Variants in GGACT observed in about 807,000 individuals in gnomAD.
GGACT encodes gamma-glutamylamine cyclotransferase, also known as gamma-glutamylaminecyclotransferase.
For synonymous variants in GGACT, 118 were observed against 115.3 expected (o/e 1.02, Z -0.15); for missense variants, 241 against 233.2 (o/e 1.03, Z -0.22).
chr13:100,569,507 G>A (rs760222428), intron 2 of GGACT, among the ~76,000 whole-genome samples: 21 of 152,210 alleles, frequency 1.4e-4, no homozygotes, highest in African/African-American at 2.9e-4. Context: ...ACCATGTCCC[G>A]AGGCTGCATA....
In GGACT at chr13:100,550,299, T is replaced by TACAC. The variant is rs755235689; in HGVS notation, c.-10-17702_-10-17699dup. Among the ~76,000 whole-genome samples, 130 of 27,248 alleles carry TACAC rather than the reference T, an allele frequency of 4.8e-3. 6 individuals are homozygous for TACAC. Among genetic ancestry groups the TACAC allele is most frequent in the Non-Finnish European group, 6.6e-3 (99 of 15,084 alleles). 17.9% of individuals were successfully genotyped at this position (27,248 alleles called of 152,430 possible). A position where few individuals can be genotyped will look rare whatever the true frequency, so the allele number is the denominator to read the frequency against. The stretch of plus-strand genomic sequence containing the variant: ...AATTAAATCCGAGCCGATTATACTC[T>TACAC]ACACACACACACACACACACACACA... On this transcript the variant is annotated intron_variant, in intron 2 of 2. Coordinates refer to ENST00000683975, the MANE Select transcript of GGACT (RefSeq NM_001195087.2).
intron 2 of GGACT, among the ~76,000 whole-genome samples, chr13:100,553,141 C>T (rs575227904): frequency 6.6e-6 from 1 of 152,180 alleles, no homozygotes. Context: ...TGATGAGAGC[C>T]GTTCGAGGGC....
chr13:100,567,748 A>G (rs1566537029), intron 2 of GGACT, among the ~76,000 whole-genome samples: 1 of 152,180 alleles, frequency 6.6e-6, no homozygotes, highest in Admixed American at 6.5e-5. Flanking sequence ...AATTCACACA[A>G]ACACACACAA....
intron 2 of GGACT, among the ~76,000 whole-genome samples, chr13:100,568,810 C>G (rs1206186515): frequency 6.6e-6 from 1 of 152,248 alleles, no homozygotes; most frequent in Non-Finnish European, 1.5e-5. Context: ...AAGTTAGTTA[C>G]TTCTTACATA....
chr13:100,532,277 T>C lies in GGACT; in HGVS notation c.315A>G (p.Ala105=), dbSNP rs1222711303. 2.0e-6 allele frequency: 3 copies of C among 1,536,456 alleles called. No individual in the cohort carries two copies. The highest frequency in any genetic ancestry group is 1.4e-5 in the African/African-American group (1 of 72,644). The part of the protein sequence containing the change: ...VQLLEDRAPG[A]EEPPAPTAVQ... ...CCGCGGTGGGCGCTGGCGGCTCCTC[T>C]GCGCCCGGGGCCCGGTCCTCCAGCA... The change falls in exon 3 of 3, where the codon GCA becomes GCG. Residue 105 remains alanine (A), a synonymous_variant. Coordinates refer to ENST00000683975, the MANE Select transcript of GGACT (RefSeq NM_001195087.2).
intron 2 of GGACT, among the ~76,000 whole-genome samples, chr13:100,571,609 G>A (rs1256439911): frequency 1.3e-5 from 2 of 152,068 alleles, no homozygotes; most frequent in Admixed American, 6.6e-5. Flanking sequence ...CACTGCACGC[G>A]GCCCAGAGGA....
intron 2 of GGACT, chr13:100,538,469 C>G (rs2088519294): frequency 6.6e-6 from 1 of 152,156 alleles, no homozygotes; most frequent in Non-Finnish European, 1.5e-5. Context: ...TAAAATTTAT[C>G]ATAACTATTT....
At chr13:100,553,758 C>A (rs555389562) in intron 2 of GGACT, among the ~76,000 whole-genome samples, 1 of 151,312 alleles carries the variant, frequency 6.6e-6, no homozygotes, top group African/African-American at 2.4e-5. Flanking sequence ...GCAGAAGAAT[C>A]GCTTGCACCA....
chr13:100,586,047 A>C (rs1875565217), intron 1 of GGACT, among the ~76,000 whole-genome samples: 1 of 152,166 alleles, frequency 6.6e-6, no homozygotes, highest in Admixed American at 6.5e-5. Flanking sequence ...ATTCAAACAA[A>C]CCAACAGTAA....
chr13:100,543,788 A>G (rs844384), intron 2 of GGACT, among the ~76,000 whole-genome samples: 89,954 of 152,134 alleles, frequency 0.59, 27,159 homozygotes, highest in East Asian at 0.85. Flanking sequence ...GAGAAATAGT[A>G]TCAGAATCAT....
Position 100,530,253 on chromosome 13 carries a change from G to GGGTGTTCCTGTAT in GGACT, c.*1876_*1877insATACAGGAACACC. On this transcript the variant is annotated 3_prime_UTR_variant, in exon 3 of 3. Transcript: ENST00000683975. ...CACAATTGATTCAAGCATTATACAG[G>GGGTGTTCCTGTAT]AACACCCCTGTGCAGCTACGTTTAC... The GGGTGTTCCTGTAT allele has an allele frequency of 9.5e-7, 1 of 1,049,938 alleles. No homozygotes were observed. Among genetic ancestry groups the GGGTGTTCCTGTAT allele is most frequent in the Non-Finnish European group, 1.5e-6 (1 of 673,448 alleles). 65.0% of individuals were successfully genotyped at this position (1,049,938 alleles called of 1,614,324 possible).
rs10400674 is a variant in GGACT, at chr13:100,553,817, G to A, written c.-10-21216C>T. Among the ~76,000 whole-genome samples, 902 of 149,450 alleles carry A rather than the reference G, an allele frequency of 6.0e-3. 9 individuals are homozygous for A. Among genetic ancestry groups the A allele is most frequent in the African/African-American group, 0.021 (839 of 40,224 alleles). On this transcript the variant is annotated intron_variant, in intron 2 of 2. Coordinates refer to ENST00000683975, the MANE Select transcript of GGACT (RefSeq NM_001195087.2). The stretch of plus-strand genomic sequence containing the variant: ...CAAGATCGCGCCACTGCACTCCAGC[G>A]GGGGTGACGAAGCGAGACTCCATCT...
chr13:100,581,357 A>C (rs1247040703), intron 2 of GGACT, among the ~76,000 whole-genome samples: 2 of 152,214 alleles, frequency 1.3e-5, no homozygotes, highest in Non-Finnish European at 2.9e-5. Flanking sequence ...GAAAGCAAGG[A>C]AGTGCTCAAA....
rs1438259079 is a variant in GGACT, at chr13:100,530,331, A to G, written c.*1799T>C. The G allele has an allele frequency of 1.5e-6, 1 of 679,802 alleles. No homozygotes were observed. The highest frequency in any genetic ancestry group is 2.7e-6 in the Non-Finnish European group (1 of 372,476). 42.1% of individuals were successfully genotyped at this position (679,802 alleles called of 1,614,324 possible). A position where few individuals can be genotyped will look rare whatever the true frequency, so the allele number is the denominator to read the frequency against. ...CCAATATTCTGCCAAAAAATCACCA[A>G]TGGAAATTTTCATTGATATAAATAC... On this transcript the variant is annotated 3_prime_UTR_variant, in exon 3 of 3. Coordinates refer to ENST00000683975, the MANE Select transcript of GGACT (RefSeq NM_001195087.2).
At position 100,534,842 on chromosome 13, in the gene GGACT, T is replaced by G. The variant is rs2088468917; in HGVS notation, c.-10-2241A>C. On this transcript the variant is annotated intron_variant, in intron 2 of 2. Coordinates refer to ENST00000683975, the MANE Select transcript of GGACT (RefSeq NM_001195087.2). This position sits in a 1 kb window ranked among gnomAD's most constrained non-coding sequence, Gnocchi z 4.9. ...TCCTTGTCAATCTCCTGCTGCAGAC[T>G]TAACTCTCCCACCTCATCTCCTGCA... Among the ~76,000 whole-genome samples, 1 of 152,124 alleles carries G rather than the reference T, an allele frequency of 6.6e-6. No individual in the cohort carries two copies. Among genetic ancestry groups the G allele is most frequent in the Non-Finnish European group, 1.5e-5 (1 of 67,998 alleles).
intron 2 of GGACT, among the ~76,000 whole-genome samples, chr13:100,580,860 T>G (rs1875394701): frequency 6.6e-6 from 1 of 152,234 alleles, no homozygotes. Flanking sequence ...AGGAACTGTG[T>G]ATATTCATAA....
intron 2 of GGACT, chr13:100,535,797 GTTTTT>G (rs879735289): frequency 6.6e-6 from 1 of 151,894 alleles, no homozygotes; most frequent in Non-Finnish European, 1.5e-5. Context: ...CTTCAAGTTT[GTTTTT>G]TTTGTTTGTT....
chr13:100,556,682 G>A (rs539907237), intron 2 of GGACT, among the ~76,000 whole-genome samples: 62 of 151,974 alleles, frequency 4.1e-4, no homozygotes, highest in Admixed American at 1.1e-3. Context: ...TAACTCAAAG[G>A]ATAAATGCTT....
intron 1 of GGACT, among the ~76,000 whole-genome samples, chr13:100,585,794 G>T (rs983719967): frequency 2.0e-5 from 1 of 50,026 alleles, no homozygotes; most frequent in Non-Finnish European, 3.8e-5. Flanking sequence ...AAAAAAAAAA[G>T]ACCAGCCTGG....
Sources: allele counts gnomAD v4.1 joint callset (sites outside exome capture counted in the v4.1 genomes callset), GRCh38; gene constraint gnomAD v4.1.1; non-coding constraint Gnocchi (gnomAD v3.1); transcripts MANE v1.5; gene names NCBI Gene and HGNC (gene_info 2026-07-23, HGNC 2026-07-21).